Variants in KLHL2 observed in about 807,000 individuals in gnomAD.
KLHL2 encodes the protein kelch like family member 2, also known as kelch-like protein 2.
A neutral mutation model predicts 75.8 loss-of-function variants in KLHL2; 15 were observed. That is an observed-to-expected ratio of 0.20 (90% CI 0.13 to 0.30). The LOEUF (loss-of-function observed/expected upper bound fraction) is 0.30, where lower values mean the gene tolerates loss of function less well. Ranked by LOEUF, KLHL2 falls within the 10% of genes least tolerant of loss-of-function variation. The pLI is 1.00. For synonymous variants in KLHL2, 214 were observed against 251.9 expected, an observed-to-expected ratio of 0.85 and a Z score of 1.42; for missense variants, 381 against 741.0, an observed-to-expected ratio of 0.51 and a Z score of 5.64.
chr4:165,220,077 T>C lies in KLHL2; in HGVS notation c.152+18T>C. 7 of 1,589,844 alleles carry C rather than the reference T, an allele frequency of 4.4e-6. No homozygotes were observed. The highest frequency in any genetic ancestry group is 6.0e-6 in the Non-Finnish European group (7 of 1,171,352). ...TTAAGAAGGTATCATTATACTAATG[T>C]ACATGCAACCATTGGTTTCGTCCCT... On this transcript the variant is annotated intron_variant, in intron 2 of 14. Transcript: ENST00000226725.
At chr4:165,240,861 A>G (rs1739766355) in intron 4 of KLHL2, among the ~76,000 whole-genome samples, 1 of 152,322 alleles carries the variant, frequency 6.6e-6, no homozygotes, top group East Asian at 1.9e-4. Flanking sequence ...TCAGCCCTGA[A>G]TGTTGTTTGT....
chr4:165,306,119 C>T (rs1053117891), intron 9 of KLHL2, among the ~76,000 whole-genome samples: 11 of 152,208 alleles, frequency 7.2e-5, no homozygotes, highest in Non-Finnish European at 2.9e-5. Context: ...ATCTGTTTTA[C>T]AAACATTTGT....
At chr4:165,276,356 C>G (rs1262362930) in intron 5 of KLHL2, among the ~76,000 whole-genome samples, 1 of 152,100 alleles carries the variant, frequency 6.6e-6, no homozygotes, top group Non-Finnish European at 1.5e-5. Context: ...TCATGTGTGT[C>G]CCCTCTGTCT....
intron 8 of KLHL2, 135 bp downstream of exon 8, chr4:165,299,791 C>G: frequency 1.4e-6 from 1 of 702,582 alleles, no homozygotes; most frequent in Non-Finnish European, 2.3e-6. Flanking sequence ...CCTAAGAATG[C>G]ATTGTAGTGT....
chr4:165,288,649 G>A (rs955681540), intron 5 of KLHL2, among the ~76,000 whole-genome samples: 3 of 152,046 alleles, frequency 2.0e-5, no homozygotes, highest in African/African-American at 7.2e-5. Flanking sequence ...GTCTACTGAT[G>A]AACTCTCTTT....
intron 13 of KLHL2, among the ~76,000 whole-genome samples, chr4:165,316,726 C>CA (rs1430416094): frequency 2.6e-5 from 4 of 151,738 alleles, no homozygotes; most frequent in African/African-American, 9.7e-5. Flanking sequence ...TTGGTAACAG[C>CA]AAAAAAATCA....
intron 2 of KLHL2, among the ~76,000 whole-genome samples, chr4:165,223,387 C>T (rs1056615496): frequency 1.3e-5 from 2 of 152,184 alleles, no homozygotes; most frequent in African/African-American, 4.8e-5. Flanking sequence ...GGAAAATTCA[C>T]ACAGCCCACA....
rs1747069875 is a variant in KLHL2, at chr4:165,322,712, A to G, written c.*652A>G. The G allele has an allele frequency of 6.6e-6, 1 of 152,644 alleles. No homozygotes were observed. The highest frequency in any genetic ancestry group is 2.4e-5 in the African/African-American group (1 of 41,464). The allele number at this position is 152,644 out of a possible 1,614,324, so 9.5% of individuals were successfully genotyped here. A position where few individuals can be genotyped will look rare whatever the true frequency, so the allele number is the denominator to read the frequency against. ...TTGTAAAACAGAGTTGTATTTTTTGATATTTAACAATGCTTAACACTTTAA... is the reference window on the plus strand; with the variant it reads ...TTGTAAAACAGAGTTGTATTTTTTGGTATTTAACAATGCTTAACACTTTAA... On this transcript the variant is annotated 3_prime_UTR_variant, in exon 15 of 15. Coordinates refer to ENST00000226725, the MANE Select transcript of KLHL2 (RefSeq NM_007246.4).
chr4:165,310,564 A>G lies in KLHL2; in HGVS notation c.1051A>G (p.Met351Val). The G allele has an allele frequency of 2.5e-6, 4 of 1,613,896 alleles. No individual in the cohort carries two copies. Among genetic ancestry groups the G allele is most frequent in the Non-Finnish European group, 3.4e-6 (4 of 1,179,822 alleles). Residue 351 changes from methionine (M) to valine (V), a missense_variant, in exon 10 of 15, where the codon ATG becomes GTG. Physicochemically the swap from Met to Val is conservative, Grantham distance 21. Transcript: ENST00000226725. ...TACTCCTTTTGCAGGCATGGTCTACATGGCTGGACTTGTTTTTGCTGTTGG... is the reference window on the plus strand; with the variant it reads ...TACTCCTTTTGCAGGCATGGTCTACGTGGCTGGACTTGTTTTTGCTGTTGG... ...SRRCRAGMVYMAGLVFAVGGF... is the reference protein window; with the variant it reads ...SRRCRAGMVYVAGLVFAVGGF...
intron 4 of KLHL2, among the ~76,000 whole-genome samples, chr4:165,245,132 C>T (rs1318803633): frequency 5.3e-5 from 8 of 152,062 alleles, no homozygotes; most frequent in African/African-American, 1.9e-4. Context: ...CGCTTGAACC[C>T]GGGAGGTGGA....
chr4:165,309,865 G>A lies in KLHL2; in HGVS notation c.1040-688G>A, dbSNP rs146120078. ...TACGTTATGCAAATAAATTATAAGC[G>A]TATGGAGTTTCATTCTAAGAATATC... On this transcript the variant is annotated intron_variant, in intron 9 of 14. Coordinates refer to ENST00000226725, the MANE Select transcript of KLHL2 (RefSeq NM_007246.4). 5.9e-3 allele frequency among the ~76,000 whole-genome samples: 894 copies of A among 152,228 alleles called. 32 individuals are homozygous for A. The highest frequency in any genetic ancestry group is 2.0e-3 in the African/African-American group (82 of 41,556).
chr4:165,318,197 A>C (rs1237486413), intron 14 of KLHL2, among the ~76,000 whole-genome samples: 1 of 151,122 alleles, frequency 6.6e-6, no homozygotes, highest in East Asian at 1.9e-4. Context: ...TTTGATATAC[A>C]AAATCATATA....
At chr4:165,239,791 T>G (rs1207670279) in intron 4 of KLHL2, among the ~76,000 whole-genome samples, 14 of 152,200 alleles carry the variant, frequency 9.2e-5, no homozygotes, top group African/African-American at 2.4e-5. Context: ...CACTTCTTCT[T>G]CTCTAGAGGG....
At chr4:165,267,622 T>G (rs1469445361) in intron 5 of KLHL2, among the ~76,000 whole-genome samples, 1 of 152,160 alleles carries the variant, frequency 6.6e-6, no homozygotes, top group Non-Finnish European at 1.5e-5. Flanking sequence ...GTTTATATAT[T>G]TGCGTGCATT....
At chr4:165,279,074 T>C (rs749477795) in intron 5 of KLHL2, 3 of 1,537,900 alleles carry the variant, frequency 2.0e-6, no homozygotes, top group African/African-American at 1.4e-5. Context: ...GACACCTCCA[T>C]TGACGCCTCC....
Position 165,295,901 on chromosome 4 carries a change from T to G in KLHL2, c.654+1433T>G, listed in dbSNP as rs550293750. On this transcript the variant is annotated intron_variant, in intron 6 of 14. Coordinates refer to ENST00000226725, the MANE Select transcript of KLHL2 (RefSeq NM_007246.4). ...AAGAAAATTAACTGTATTGTAGTGA[T>G]GAGCCTTAAAAGGGTTTTAAGCCAG... Among the ~76,000 whole-genome samples, 3 of 152,336 alleles carry G rather than the reference T, an allele frequency of 2.0e-5. No individual in the cohort carries two copies. In the East Asian group the frequency reaches 5.8e-4, roughly 29 times the overall value.
At chr4:165,313,389 A>G (rs1463908482) in intron 12 of KLHL2, 23 bp downstream of exon 12, 1 of 1,440,660 alleles carries the variant, frequency 6.9e-7, no homozygotes, top group African/African-American at 1.5e-5. Flanking sequence ...CTGTTTTAGC[A>G]ACTGAAGCAC....
intron 7 of KLHL2, among the ~76,000 whole-genome samples, chr4:165,298,538 A>G (rs1248468528): frequency 2.0e-5 from 3 of 152,194 alleles, no homozygotes; most frequent in Non-Finnish European, 4.4e-5. Flanking sequence ...AATTGAAACC[A>G]TTGAAAGAAT....
At chr4:165,271,718 A>T (rs1038725228) in intron 5 of KLHL2, among the ~76,000 whole-genome samples, 1 of 152,226 alleles carries the variant, frequency 6.6e-6, no homozygotes, top group Non-Finnish European at 1.5e-5. Context: ...TTTCTGGAAG[A>T]TAAATCTGGT....
Sources: allele counts gnomAD v4.1 joint callset (sites outside exome capture counted in the v4.1 genomes callset), GRCh38; gene constraint gnomAD v4.1.1; transcripts MANE v1.5; gene names NCBI Gene and HGNC (gene_info 2026-07-23, HGNC 2026-07-21).